RORB: variants seen among roughly 807,000 people sequenced by gnomAD.
RORB encodes RAR related orphan receptor B.
RORB carries 6 observed loss-of-function variants against 59.1 expected under a neutral mutation model. That is an observed-to-expected ratio of 0.10 (90% CI 0.06 to 0.20). The LOEUF is 0.20. Among genes scored for constraint, RORB ranks in the 10% least tolerant of loss-of-function variants. RORB has a pLI of 1.00. For missense variants in RORB, 320 were observed against 560.5 expected (o/e 0.57, Z 4.33); for synonymous variants, 215 against 204.5 (o/e 1.05, Z -0.44).
intron 1 of RORB, among the ~76,000 whole-genome samples, chr9:74,516,798 G>GT (rs1826017194): frequency 6.6e-6 from 1 of 152,060 alleles, no homozygotes; most frequent in East Asian, 1.9e-4. Context: ...TGAGTCTGGT[G>GT]TTTTTTCCTT....
intron 3 of RORB, among the ~76,000 whole-genome samples, chr9:74,637,475 T>C (rs1365964381): frequency 6.6e-6 from 1 of 152,212 alleles, no homozygotes; most frequent in African/African-American, 2.4e-5. Flanking sequence ...TGGAAACACA[T>C]ACGTGTGTCT....
At chr9:74,568,719 A>G (rs1822505686) in intron 1 of RORB, among the ~76,000 whole-genome samples, 2 of 151,744 alleles carry the variant, frequency 1.3e-5, no homozygotes, top group African/African-American at 2.4e-5. Context: ...AAAAAAGAAA[A>G]AAAGAAAATT....
At chr9:74,498,364 G>C (rs1049021078) in intron 1 of RORB, 1 of 210,386 alleles carries the variant, frequency 4.8e-6, no homozygotes. Context: ...CGCCCGGCGC[G>C]CAGTGGTCGC....
intron 1 of RORB, among the ~76,000 whole-genome samples, chr9:74,610,107 C>A (rs997691535): frequency 6.6e-6 from 1 of 152,194 alleles, no homozygotes; most frequent in African/African-American, 2.4e-5. Context: ...TAATTCTCAG[C>A]TGCTTTTAAT....
intron 1 of RORB, among the ~76,000 whole-genome samples, chr9:74,570,629 G>A (rs548275474): frequency 1.3e-5 from 2 of 152,224 alleles, no homozygotes; most frequent in East Asian, 3.9e-4. Flanking sequence ...GGGAGCAAGA[G>A]TATTCTATTC....
intron 1 of RORB, among the ~76,000 whole-genome samples, chr9:74,506,100 G>A (rs1365754827): frequency 6.6e-6 from 1 of 151,596 alleles, no homozygotes; most frequent in Non-Finnish European, 1.5e-5. Flanking sequence ...GATGTATATT[G>A]AGTTTCATTT....
intron 1 of RORB, among the ~76,000 whole-genome samples, chr9:74,520,851 A>G (rs1344385853): frequency 6.6e-6 from 1 of 151,728 alleles, no homozygotes; most frequent in African/African-American, 2.4e-5. Context: ...TCTATAGTCT[A>G]TTTCCTATCT....
Position 74,691,498 on chromosome 9 carries a change from CTG to C in RORB, c.*5881_*5882del, listed in dbSNP as rs1355680611. 2 of 152,114 alleles carry C rather than the reference CTG, an allele frequency of 1.3e-5. No homozygotes were observed. The allele number at this position is 152,114 out of a possible 1,614,324, so 9.4% of individuals were successfully genotyped here. A position where few individuals can be genotyped will look rare whatever the true frequency, so the allele number is the denominator to read the frequency against. ...AAAGAAAAATTACACCCACAGAAAA[CTG>C]AGTATGTATTGTAGAAATGTAGAGG... On this transcript the variant is annotated 3_prime_UTR_variant, in exon 10 of 10. Transcript: ENST00000376896.
At chr9:74,566,829 T>C (rs1239027853) in intron 1 of RORB, among the ~76,000 whole-genome samples, 1 of 152,102 alleles carries the variant, frequency 6.6e-6, no homozygotes, top group East Asian at 1.9e-4. Context: ...AGAAGCAGGG[T>C]AAGATATAAG....
intron 1 of RORB, among the ~76,000 whole-genome samples, chr9:74,555,237 C>A (rs563366012): frequency 6.6e-6 from 1 of 152,300 alleles, no homozygotes; most frequent in Non-Finnish European, 1.5e-5. Context: ...CTGTGTTGCC[C>A]TCGACAAGGC....
intron 1 of RORB, among the ~76,000 whole-genome samples, chr9:74,502,390 A>G (rs1338605099): frequency 6.6e-6 from 1 of 152,076 alleles, no homozygotes; most frequent in Non-Finnish European, 1.5e-5. Context: ...TTTCTACATA[A>G]AAAGATAAGT....
chr9:74,555,777 A>G lies in RORB; in HGVS notation c.7+57794A>G, dbSNP rs573112373. Among the ~76,000 whole-genome samples the G allele has an allele frequency of 6.6e-5, 10 of 152,314 alleles. No homozygotes were observed. In the South Asian group the frequency reaches 2.1e-3, roughly 32 times the overall value. ...ATAAGAACTAATAATGTTTCATTCC[A>G]CTGCTTATGTATTCTGCAAATGCGT... On this transcript the variant is annotated intron_variant, in intron 1 of 9. Coordinates refer to ENST00000376896, the MANE Select transcript of RORB (RefSeq NM_006914.4).
Position 74,662,506 on chromosome 9 carries a change from C to A in RORB, c.792C>A (p.Ile264=), listed in dbSNP as rs139682513. The change falls in exon 6 of 10, where the codon ATC becomes ATA. Residue 264 remains isoleucine (I), a synonymous_variant. Transcript: ENST00000376896. ...SREALWQQCA[I]QITHAIQYVV... is the part of the protein sequence containing the mutation. ...AAGCACTGTGGCAACAATGTGCCAT[C>A]CAGATCACTCACGCCATCCAATACG... 3 of 1,614,110 alleles carry A rather than the reference C, an allele frequency of 1.9e-6. No individual in the cohort carries two copies. Among genetic ancestry groups the A allele is most frequent in the East Asian group, 2.2e-5 (1 of 44,880 alleles).
chr9:74,536,999 C>A (rs898322246), intron 1 of RORB, among the ~76,000 whole-genome samples: 3 of 151,978 alleles, frequency 2.0e-5, no homozygotes, highest in Non-Finnish European at 2.9e-5. Context: ...TTGATTCCTA[C>A]AACCACTTGG....
intron 1 of RORB, among the ~76,000 whole-genome samples, chr9:74,547,528 A>G (rs955077892): frequency 2.6e-5 from 4 of 152,204 alleles, no homozygotes; most frequent in Non-Finnish European, 4.4e-5. Context: ...TGCAATTTTA[A>G]ATAGAGTTGT....
chr9:74,541,887 A>G (rs1181478828), intron 1 of RORB, among the ~76,000 whole-genome samples: 1 of 152,214 alleles, frequency 6.6e-6, no homozygotes, highest in Non-Finnish European at 1.5e-5. Flanking sequence ...ATGACATTAG[A>G]TAATTTTTGA....
intron 1 of RORB, among the ~76,000 whole-genome samples, chr9:74,556,766 C>G (rs1347235103): frequency 6.6e-6 from 1 of 151,998 alleles, no homozygotes; most frequent in Admixed American, 6.6e-5. Flanking sequence ...GAGCAGGCAG[C>G]CAGGATGGGG....
At chr9:74,568,822 A>G (rs1035187727) in intron 1 of RORB, among the ~76,000 whole-genome samples, 1 of 152,080 alleles carries the variant, frequency 6.6e-6, no homozygotes, top group African/African-American at 2.4e-5. Context: ...ACCTAAAATC[A>G]TATTTATAAG....
In RORB at chr9:74,522,682, T is replaced by G. The variant is rs548836955; in HGVS notation, c.7+24699T>G. Among the ~76,000 whole-genome samples the G allele has an allele frequency of 2.4e-4, 37 of 151,954 alleles. 2 individuals are homozygous for G. In the South Asian group the frequency reaches 7.5e-3, roughly 31 times the overall value. On this transcript the variant is annotated intron_variant, in intron 1 of 9. Coordinates refer to ENST00000376896, the MANE Select transcript of RORB (RefSeq NM_006914.4). ...GAGGATGGTGTTGATATTCAGTTTTTTAAAAATGGCTACCAAAAAGAGGAC... is the reference window on the plus strand; with the variant it reads ...GAGGATGGTGTTGATATTCAGTTTTGTAAAAATGGCTACCAAAAAGAGGAC...
Sources: gnomAD v4.1 joint callset for allele counts (sites outside exome capture counted in the v4.1 genomes callset) on GRCh38, gnomAD v4.1.1 for gene constraint, MANE v1.5 for transcripts, NCBI Gene and HGNC (gene_info 2026-07-23, HGNC 2026-07-21) for gene names.